Variants in CACNA2D1 observed in about 807,000 individuals in gnomAD.
CACNA2D1 encodes calcium voltage-gated channel auxiliary subunit alpha2delta 1, also known as voltage-dependent calcium channel subunit alpha-2/delta-1.
Under a neutral mutation model 171.5 loss-of-function variants are expected in CACNA2D1, and 53 were observed. That is an observed-to-expected ratio of 0.31 (90% confidence interval 0.25 to 0.39). CACNA2D1 has a LOEUF of 0.39. Among genes scored for constraint, CACNA2D1 ranks in the 10% least tolerant of loss-of-function variants. CACNA2D1 has a pLI of 1.00. For synonymous variants in CACNA2D1, 442 were observed against 443.1 expected, an observed-to-expected ratio of 1.00 and a Z score of 0.03; for missense variants, 903 against 1,299.8, an observed-to-expected ratio of 0.69 and a Z score of 4.69.
At chr7:81,972,311 C>T (rs1795365655) in intron 25 of CACNA2D1, among the ~76,000 whole-genome samples, 1 of 151,364 alleles carries the variant, frequency 6.6e-6, no homozygotes, top group Non-Finnish European at 1.5e-5. Context: ...CAAGTAAAAA[C>T]ATTCAACAAA....
rs1316113850 is a variant in CACNA2D1, at chr7:82,335,172, A to G, written c.257T>C (p.Ile86Thr). The G allele has an allele frequency of 6.2e-7, 1 of 1,612,958 alleles. No homozygotes were observed. The highest frequency in any genetic ancestry group is 8.5e-7 in the Non-Finnish European group (1 of 1,179,026). The change falls in exon 3 of 39, where the codon ATT becomes ACT. Residue 86 changes from isoleucine to threonine, a missense_variant. Coordinates refer to ENST00000356860, the MANE Select transcript of CACNA2D1 (RefSeq NM_000722.4). ...RQLVEIAARD[I>T]EKLLSNRSKA... ...AGATCTGTTGCTCAGAAGTTTCTCAATATCCCTGGCTGCAATTTCTACCAG... is the reference window on the plus strand; with the variant it reads ...AGATCTGTTGCTCAGAAGTTTCTCAGTATCCCTGGCTGCAATTTCTACCAG...
At chr7:82,154,565 C>T (rs546034635) in intron 4 of CACNA2D1, among the ~76,000 whole-genome samples, 35 of 151,924 alleles carry the variant, frequency 2.3e-4, no homozygotes, top group African/African-American at 7.3e-4. Flanking sequence ...AAAAAACCTA[C>T]GCATTCTTTA....
chr7:81,982,569 T>C lies in CACNA2D1; in HGVS notation c.1953A>G (p.Pro651=). The part of the protein sequence containing the change: ...FEESGYTFIA[P]RDYCNDLKIS... ...ATCAAAAATACAACAAAACCAACCTTGGTGCTATGAATGTATAGCCAGATT... is the reference window on the plus strand; with the variant it reads ...ATCAAAAATACAACAAAACCAACCTCGGTGCTATGAATGTATAGCCAGATT... The change falls in exon 24 of 39, where the codon CCA becomes CCG. Residue 651 remains proline (P), a splice_region_variant and synonymous_variant. Coordinates refer to ENST00000356860, the MANE Select transcript of CACNA2D1 (RefSeq NM_000722.4). The C allele has an allele frequency of 6.3e-7, 1 of 1,592,258 alleles. No homozygotes were observed. Among genetic ancestry groups the C allele is most frequent in the East Asian group, 2.2e-5 (1 of 44,704 alleles).
intron 3 of CACNA2D1, among the ~76,000 whole-genome samples, chr7:82,252,740 A>C (rs187026723): frequency 3.7e-4 from 56 of 152,170 alleles, no homozygotes; most frequent in African/African-American, 1.3e-3. Flanking sequence ...AAATACAAAA[A>C]TTAGCTGGGC....
At chr7:82,355,497 AG>A (rs1215951391) in intron 1 of CACNA2D1, among the ~76,000 whole-genome samples, 1 of 152,192 alleles carries the variant, frequency 6.6e-6, no homozygotes, top group Non-Finnish European at 1.5e-5. Flanking sequence ...TAGTCAGAAG[AG>A]TAAGAACAAT....
rs182817366 is a variant in CACNA2D1, at chr7:82,147,561, C to A, written c.355-10885G>T. Among the ~76,000 whole-genome samples the A allele has an allele frequency of 1.7e-4, 26 of 152,164 alleles. No homozygotes were observed. In the East Asian group the frequency reaches 5.0e-3, roughly 29 times the overall value. ...TTTAATCTTCTAAAACATTTCATTT[C>A]TTATGTTTCTTCCTATTGACTCAGA... On this transcript the variant is annotated intron_variant, in intron 4 of 38. Transcript: ENST00000356860.
At chr7:82,179,522 T>A (rs573204744) in intron 3 of CACNA2D1, among the ~76,000 whole-genome samples, 6 of 152,052 alleles carry the variant, frequency 3.9e-5, no homozygotes, top group Non-Finnish European at 8.8e-5. Context: ...CCAAAGGCCT[T>A]CAATCACTTT....
intron 1 of CACNA2D1, among the ~76,000 whole-genome samples, chr7:82,437,490 C>T (rs990890803): frequency 1.3e-5 from 2 of 151,868 alleles, no homozygotes; most frequent in East Asian, 1.9e-4. Flanking sequence ...TTTTTAAATC[C>T]ACAGAGCATA....
intron 1 of CACNA2D1, among the ~76,000 whole-genome samples, chr7:82,389,908 A>G (rs1824898509): frequency 6.6e-6 from 1 of 152,214 alleles, no homozygotes; most frequent in African/African-American, 2.4e-5. Flanking sequence ...AAATTTATTG[A>G]TAAGTTAAAT....
At chr7:82,327,200 C>T (rs954115242) in intron 3 of CACNA2D1, among the ~76,000 whole-genome samples, 6 of 152,164 alleles carry the variant, frequency 3.9e-5, no homozygotes, top group Non-Finnish European at 8.8e-5. Context: ...ATGGGATATA[C>T]ATTGTAATTG....
intron 5 of CACNA2D1, among the ~76,000 whole-genome samples, chr7:82,131,999 T>A (rs540897910): frequency 2.9e-4 from 44 of 152,138 alleles, no homozygotes; most frequent in South Asian, 6.2e-4. Context: ...AATCTTTTTT[T>A]AAAAAAAATG....
rs1203045969 is a variant in CACNA2D1, at chr7:81,962,110, A to G, written c.2837-87T>C. 2.3e-6 allele frequency: 3 copies of G among 1,290,526 alleles called. No individual in the cohort carries two copies. In the African/African-American group the frequency reaches 4.4e-5, roughly 19 times the overall value. 79.9% of individuals were successfully genotyped at this position (1,290,526 alleles called of 1,614,324 possible). A position where few individuals can be genotyped will look rare whatever the true frequency, so the allele number is the denominator to read the frequency against. ...CTCCCCTCGAGTCTTCACTTCTCAC[A>G]GAGCAAAATAAACGTATAAGACCAG... On this transcript the variant is annotated intron_variant, in intron 35 of 38. Transcript: ENST00000356860.
intron 7 of CACNA2D1, among the ~76,000 whole-genome samples, chr7:82,068,867 T>C (rs1270740826): frequency 6.6e-6 from 1 of 152,162 alleles, no homozygotes; most frequent in Admixed American, 6.5e-5. Context: ...CTGTGATATA[T>C]ATTACTATAT....
At chr7:82,440,657 C>T (rs2129459953) in intron 1 of CACNA2D1, among the ~76,000 whole-genome samples, 1 of 151,872 alleles carries the variant, frequency 6.6e-6, no homozygotes, top group East Asian at 1.9e-4. Context: ...TTAGTGTTAA[C>T]TCTTAGAACA....
chr7:82,231,643 T>C (rs959002504), intron 3 of CACNA2D1, among the ~76,000 whole-genome samples: 6 of 152,168 alleles, frequency 3.9e-5, no homozygotes, highest in African/African-American at 7.2e-5. Flanking sequence ...CTAGATCAGA[T>C]TTTTTTAAAA....
chr7:82,169,804 C>T (rs1795830162), intron 4 of CACNA2D1, among the ~76,000 whole-genome samples: 2 of 151,734 alleles, frequency 1.3e-5, no homozygotes, highest in African/African-American at 4.8e-5. Flanking sequence ...TTCACTACAA[C>T]TGTAATCACT....
At chr7:81,999,564 A>C (rs1798380368) in intron 18 of CACNA2D1, among the ~76,000 whole-genome samples, 1 of 152,196 alleles carries the variant, frequency 6.6e-6, no homozygotes, top group African/African-American at 2.4e-5. Flanking sequence ...CAAATTGAGG[A>C]GTCTTGTGTG....
intron 3 of CACNA2D1, among the ~76,000 whole-genome samples, chr7:82,248,811 C>CA (rs11352717): frequency 0.055 from 7,760 of 141,386 alleles, 325 homozygotes; most frequent in African/African-American, 0.12. Flanking sequence ...AGAGAAAGGC[C>CA]AAAAAAAAAA....
rs1422810671 is a variant in CACNA2D1, at chr7:82,291,167, T to G, written c.294+43968A>C. Reference sequence around the variant, plus strand: ...TTGTACATATAATTCTATATCGATATAGAATTATAATTCTATATCGATATA... The same window carrying G: ...TTGTACATATAATTCTATATCGATAGAGAATTATAATTCTATATCGATATA... On this transcript the variant is annotated intron_variant, in intron 3 of 38. Coordinates refer to ENST00000356860, the MANE Select transcript of CACNA2D1 (RefSeq NM_000722.4). Among the ~76,000 whole-genome samples the G allele has an allele frequency of 2.6e-5, 3 of 114,202 alleles. No individual in the cohort carries two copies. In the East Asian group the frequency reaches 6.9e-4, roughly 26 times the overall value. 74.9% of individuals were successfully genotyped at this position (114,202 alleles called of 152,430 possible).
Sources: allele counts gnomAD v4.1 joint callset (sites outside exome capture counted in the v4.1 genomes callset), GRCh38; gene constraint gnomAD v4.1.1; transcripts MANE v1.5; gene names NCBI Gene and HGNC (gene_info 2026-07-23, HGNC 2026-07-21).